The following PDE7B variants were observed in gnomAD, a reference collection of about 807,000 sequenced individuals.
PDE7B encodes phosphodiesterase 7B, also known as 3',5'-cyclic-AMP phosphodiesterase 7B.
A neutral mutation model predicts 56.2 loss-of-function variants in PDE7B; 29 were observed. The ratio of observed to expected loss-of-function variants is 0.52; its 90% CI spans 0.38 to 0.70. The LOEUF (loss-of-function observed/expected upper bound fraction) is 0.70, where lower values mean the gene tolerates loss of function less well. PDE7B is among the 30% of genes least tolerant of loss of function. PDE7B has a pLI of 0.00. For missense variants in PDE7B, 490 were observed against 565.0 expected (o/e 0.87, Z 1.35); for synonymous variants, 197 against 196.9 (o/e 1.00, Z 0.00).
At chr6:135,943,783 G>A (rs905754272) in intron 1 of PDE7B, among the ~76,000 whole-genome samples, 2 of 152,158 alleles carry the variant, frequency 1.3e-5, no homozygotes, top group Non-Finnish European at 2.9e-5. Flanking sequence ...TTACAATAAT[G>A]AGGCATGTTA....
At chr6:135,955,278 G>A (rs115588768) in intron 2 of PDE7B, among the ~76,000 whole-genome samples, 4,601 of 151,614 alleles carry the variant, frequency 0.03, 103 homozygotes, top group Non-Finnish European at 0.044. Flanking sequence ...CAGGTCTTAC[G>A]GGAAGGGGAA....
chr6:136,007,581 CAA>C (rs1442946253), intron 2 of PDE7B, among the ~76,000 whole-genome samples: 1 of 150,562 alleles, frequency 6.6e-6, no homozygotes, highest in Non-Finnish European at 1.5e-5. Flanking sequence ...ATGTAGCTGA[CAA>C]GTCTGTGTGG....
intron 2 of PDE7B, among the ~76,000 whole-genome samples, chr6:136,018,743 TTTG>T (rs1373299913): frequency 6.6e-6 from 1 of 151,990 alleles, no homozygotes; most frequent in Non-Finnish European, 1.5e-5. Context: ...CAATTTGCCT[TTTG>T]TTAAATATAT....
At chr6:135,871,772 T>TAC (rs10576996) in intron 1 of PDE7B, among the ~76,000 whole-genome samples, 13,857 of 150,566 alleles carry the variant, frequency 0.092, 1,477 homozygotes, top group African/African-American at 0.27. Context: ...GATAGGTGTA[T>TAC]ACACACACAC....
chr6:136,017,930 T>C lies in PDE7B; in HGVS notation c.82+70406T>C, dbSNP rs1263905128. Among the ~76,000 whole-genome samples, 3 of 152,188 alleles carry C rather than the reference T, an allele frequency of 2.0e-5. No homozygotes were observed. The East Asian group carries it at 5.8e-4, about 29-fold the overall frequency. Reference sequence around the variant, plus strand: ...CATACACACATACCCTAAGCATTCCTACATGAAGCATTGTTGACTAATGTT... The same window carrying C: ...CATACACACATACCCTAAGCATTCCCACATGAAGCATTGTTGACTAATGTT... On this transcript the variant is annotated intron_variant, in intron 2 of 12. Transcript: ENST00000308191.
At chr6:136,118,516 A>G (rs1777875928) in intron 3 of PDE7B, among the ~76,000 whole-genome samples, 1 of 152,216 alleles carries the variant, frequency 6.6e-6, no homozygotes. Context: ...AACACCCTAT[A>G]AAGTAGCCAC....
At chr6:136,078,125 A>G (rs1777151387) in intron 2 of PDE7B, among the ~76,000 whole-genome samples, 2 of 152,216 alleles carry the variant, frequency 1.3e-5, no homozygotes. Context: ...GCACTGACAC[A>G]TGGCCCTCTT....
intron 2 of PDE7B, among the ~76,000 whole-genome samples, chr6:136,058,427 A>G (rs1377272636): frequency 6.6e-6 from 1 of 152,224 alleles, no homozygotes. Flanking sequence ...GACAAAAACT[A>G]TGTCCCCATC....
chr6:136,001,850 C>T lies in PDE7B; in HGVS notation c.82+54326C>T, dbSNP rs541125745. ...ATTCAGATTCAGGAAATACAGAGAA[C>T]GCCACAAAGATACTCCTCGAGAAGA... On this transcript the variant is annotated intron_variant, in intron 2 of 12. Coordinates refer to ENST00000308191, the MANE Select transcript of PDE7B (RefSeq NM_018945.4). Among the ~76,000 whole-genome samples, 724 of 151,828 alleles carry T rather than the reference C, an allele frequency of 4.8e-3. 6 individuals carry two copies. Among genetic ancestry groups the T allele is most frequent in the African/African-American group, 0.017 (688 of 41,374 alleles).
At chr6:135,909,113 G>T (rs1246951401) in intron 1 of PDE7B, among the ~76,000 whole-genome samples, 1 of 152,078 alleles carries the variant, frequency 6.6e-6, no homozygotes, top group Non-Finnish European at 1.5e-5. Flanking sequence ...AAATGACTTT[G>T]TGTTTTGAAT....
chr6:136,031,553 A>C (rs915078285), intron 2 of PDE7B, among the ~76,000 whole-genome samples: 5 of 151,636 alleles, frequency 3.3e-5, no homozygotes, highest in Non-Finnish European at 5.9e-5. Flanking sequence ...TCCCGGCTAA[A>C]ACGGTGAAAC....
intron 2 of PDE7B, among the ~76,000 whole-genome samples, chr6:135,994,683 A>T (rs188334713): frequency 4.3e-4 from 66 of 152,356 alleles, no homozygotes; most frequent in Admixed American, 3.5e-3. Flanking sequence ...TTATTCAATT[A>T]TATTCAACAA....
intron 2 of PDE7B, among the ~76,000 whole-genome samples, chr6:135,951,099 G>C (rs1774691018): frequency 6.6e-6 from 1 of 152,192 alleles, no homozygotes; most frequent in African/African-American, 2.4e-5. Context: ...TGTTCAGAGA[G>C]AGCAAATGTG....
intron 1 of PDE7B, among the ~76,000 whole-genome samples, chr6:135,943,135 C>T (rs1050498106): frequency 6.6e-6 from 1 of 152,124 alleles, no homozygotes; most frequent in African/African-American, 2.4e-5. Flanking sequence ...TAGAATTTTA[C>T]TGGATCAGTT....
At chr6:136,100,768 T>A (rs942766362) in intron 2 of PDE7B, among the ~76,000 whole-genome samples, 2 of 152,190 alleles carry the variant, frequency 1.3e-5, no homozygotes, top group African/African-American at 4.8e-5. Flanking sequence ...TTTCTTTCTC[T>A]TGCCTGATTG....
intron 1 of PDE7B, among the ~76,000 whole-genome samples, chr6:135,930,296 T>G (rs1355026289): frequency 6.6e-6 from 1 of 152,166 alleles, no homozygotes. Flanking sequence ...ATGATTCAGT[T>G]ATCTCCCACT....
Position 136,122,827 on chromosome 6 carries a change from A to G in PDE7B, c.166+14013A>G, listed in dbSNP as rs1209213150. Among the ~76,000 whole-genome samples, 4 of 152,198 alleles carry G rather than the reference A, an allele frequency of 2.6e-5. No homozygotes were observed. In the East Asian group the frequency reaches 7.7e-4, roughly 29 times the overall value. ...CTGTATGGGAGCATAGTCAGGTTGC[A>G]AAGCTTCATGGAAGACTCTAGAGAT... On this transcript the variant is annotated intron_variant, in intron 3 of 12. Coordinates refer to ENST00000308191, the MANE Select transcript of PDE7B (RefSeq NM_018945.4).
intron 2 of PDE7B, chr6:136,038,489 G>A (rs1158206256): frequency 1.6e-6 from 2 of 1,289,636 alleles, no homozygotes; most frequent in South Asian, 1.2e-5. Context: ...CAAACAGAGA[G>A]GCATTCTGGA....
At chr6:135,982,517 A>G (rs1277220929) in intron 2 of PDE7B, among the ~76,000 whole-genome samples, 1 of 152,126 alleles carries the variant, frequency 6.6e-6, no homozygotes, top group Non-Finnish European at 1.5e-5. Flanking sequence ...CTGCTAAGGA[A>G]GGGGCAGTCT....
Sources: allele counts gnomAD v4.1 joint callset (sites outside exome capture counted in the v4.1 genomes callset), GRCh38; gene constraint gnomAD v4.1.1; transcripts MANE v1.5; gene names NCBI Gene and HGNC (gene_info 2026-07-23, HGNC 2026-07-21).